PTPN21: variants seen among roughly 807,000 people sequenced by gnomAD.
The protein encoded by PTPN21 is protein tyrosine phosphatase non-receptor type 21.
A neutral mutation model predicts 131.8 loss-of-function variants in PTPN21; 77 were observed. The observed-to-expected ratio is 0.58, with a 90% CI of 0.49 to 0.71. PTPN21 has a LOEUF of 0.71. PTPN21 is among the 30% of genes least tolerant of loss of function. PTPN21 has a pLI of 0.00. For synonymous variants in PTPN21, 715 were observed against 621.3 expected (o/e 1.15, Z -2.24); for missense variants, 1,552 against 1,527.1 (o/e 1.02, Z -0.27).
chr14:88,504,479 T>G lies in PTPN21; in HGVS notation c.533A>C (p.Glu178Ala). ...TTGGGTTGCTTCTTCCAATACTTTTTCATCTTGTAACCATCCCTGAAGAAA... is the reference window on the plus strand; with the variant it reads ...TTGGGTTGCTTCTTCCAATACTTTTGCATCTTGTAACCATCCCTGAAGAAA... ...ALFPVGWLQD[E>A]KVLEEATQKV... Residue 178 changes from glutamate to alanine, a missense_variant, in exon 6 of 19, where the codon GAA (glutamate) becomes GCA (alanine). Transcript: ENST00000556564. The G allele has an allele frequency of 1.9e-6, 3 of 1,612,840 alleles. No homozygotes were observed. In the South Asian group the frequency reaches 3.3e-5, roughly 18 times the overall value.
At chr14:88,496,073 A>T (rs556271943) in intron 10 of PTPN21, among the ~76,000 whole-genome samples, 62 of 152,340 alleles carry the variant, frequency 4.1e-4, no homozygotes, top group African/African-American at 1.4e-3. Context: ...AAAAATGCAC[A>T]CCAGGAAGGA....
rs182092973 is a variant in PTPN21, at chr14:88,499,018, G to A, written c.765-1728C>T. 1.1e-3 allele frequency among the ~76,000 whole-genome samples: 172 copies of A among 152,256 alleles called. 3 individuals carry two copies. Among genetic ancestry groups the A allele is most frequent in the African/African-American group, 3.9e-3 (162 of 41,560 alleles). On this transcript the variant is annotated intron_variant, in intron 8 of 18. Transcript: ENST00000556564. ...AGGCAACTGTGAAAATTCCTATCCAGTGATAAAGGAAGCCAGGTAGAAGCC... is the reference window on the plus strand; with the variant it reads ...AGGCAACTGTGAAAATTCCTATCCAATGATAAAGGAAGCCAGGTAGAAGCC...
At chr14:88,518,288 GCACA>G (rs1175663651) in intron 2 of PTPN21, among the ~76,000 whole-genome samples, 2 of 49,722 alleles carry the variant, frequency 4.0e-5, no homozygotes, top group African/African-American at 1.4e-4. Context: ...ACACACATAC[GCACA>G]CACACACACA....
In PTPN21 at chr14:88,482,613, C is replaced by CAAAAGAAAAGAAAAG. The variant is rs147441767; in HGVS notation, c.1079-2276_1079-2262dup. ...GGACAACAAAAGCGAAACTCCATCTCAAAAGAAAAGAAAAGAAAAGAAAAG... is the reference window on the plus strand; with the variant it reads ...GGACAACAAAAGCGAAACTCCATCTCAAAAGAAAAGAAAAGAAAAGAAAAGAAAAGAAAAGAAAAG... On this transcript the variant is annotated intron_variant, in intron 12 of 18. Coordinates refer to ENST00000556564, the MANE Select transcript of PTPN21 (RefSeq NM_007039.4). Among the ~76,000 whole-genome samples, 268 of 150,982 alleles carry CAAAAGAAAAGAAAAG rather than the reference C, an allele frequency of 1.8e-3. 3 individuals carry two copies. The highest frequency in any genetic ancestry group is 6.2e-3 in the African/African-American group (253 of 40,854).
chr14:88,517,710 ATGTG>A (rs544718761), intron 2 of PTPN21, among the ~76,000 whole-genome samples: 59 of 145,012 alleles, frequency 4.1e-4, no homozygotes, highest in Non-Finnish European at 6.3e-4. Flanking sequence ...ATGTGTATAT[ATGTG>A]TGTATGTGTA....
At chr14:88,507,232 A>G (rs180723111) in intron 4 of PTPN21, among the ~76,000 whole-genome samples, 10 of 152,332 alleles carry the variant, frequency 6.6e-5, no homozygotes, top group African/African-American at 2.4e-4. Flanking sequence ...AATATGACCT[A>G]TTAGCAGACA....
At chr14:88,525,268 GT>G (rs2078457359) in intron 2 of PTPN21, among the ~76,000 whole-genome samples, 1 of 149,528 alleles carries the variant, frequency 6.7e-6, no homozygotes, top group Admixed American at 6.7e-5. Context: ...AATGAAGAAA[GT>G]AAAAAAAAAA....
In PTPN21 at chr14:88,505,389, C is replaced by T. The variant is rs187119091; in HGVS notation, c.449-18G>A. ...AAAATCCGCTATATAGAATGACAAA[C>T]ATTCACGTTAATTATATTTAAATTT... is the stretch of plus-strand genomic sequence containing the variant. On this transcript the variant is annotated intron_variant, in intron 4 of 18. Coordinates refer to ENST00000556564, the MANE Select transcript of PTPN21 (RefSeq NM_007039.4). The T allele has an allele frequency of 2.1e-4, 331 of 1,544,528 alleles. 4 individuals are homozygous for T. In the African/African-American group the frequency reaches 4.0e-3, roughly 19 times the overall value.
At chr14:88,531,362 G>C (rs2078552861) in intron 2 of PTPN21, among the ~76,000 whole-genome samples, 1 of 152,118 alleles carries the variant, frequency 6.6e-6, no homozygotes, top group South Asian at 2.1e-4. Flanking sequence ...TTCAAGACCA[G>C]CCTGGCCAAC....
At chr14:88,530,423 T>C (rs1483734936) in intron 2 of PTPN21, among the ~76,000 whole-genome samples, 1 of 152,178 alleles carries the variant, frequency 6.6e-6, no homozygotes, top group Non-Finnish European at 1.5e-5. Flanking sequence ...AATAGAGCAG[T>C]ACCTCACATT....
chr14:88,468,344 G>A, intron 18 of PTPN21, 79 bp from the exon 19 acceptor site: 1 of 1,375,632 alleles, frequency 7.3e-7, no homozygotes, highest in Non-Finnish European at 9.8e-7. Context: ...GAGTGTCCTG[G>A]CAGAAACCTG....
In PTPN21 at chr14:88,479,668, C is replaced by T; in HGVS notation, c.1763G>A (p.Ser588Asn). Residue 588 changes from serine (S) to asparagine (N), a missense_variant, in exon 13 of 19, where the codon AGC becomes AAC. Ser to Asn is a conservative substitution (Grantham distance 46). Coordinates refer to ENST00000556564, the MANE Select transcript of PTPN21 (RefSeq NM_007039.4). ...TPDLSRHLYI[S>N]SSNPDLITRR... The stretch of plus-strand genomic sequence containing the variant: ...CGTGATGAGGTCGGGGTTGCTGCTG[C>T]TGATGTAAAGGTGGCGGGACAGGTC... 1 of 1,298,412 alleles carries T rather than the reference C, an allele frequency of 7.7e-7. No individual in the cohort carries two copies. Among genetic ancestry groups the T allele is most frequent in the Non-Finnish European group, 1.0e-6 (1 of 1,003,462 alleles). 80.4% of individuals were successfully genotyped at this position (1,298,412 alleles called of 1,614,324 possible).
intron 3 of PTPN21, among the ~76,000 whole-genome samples, chr14:88,511,324 G>A: frequency 6.6e-6 from 1 of 151,984 alleles, no homozygotes; most frequent in Non-Finnish European, 1.5e-5. Context: ...AAACCTTTTT[G>A]CTAAAATTTC....
chr14:88,532,491 A>G (rs2078568624), intron 2 of PTPN21, among the ~76,000 whole-genome samples: 1 of 152,224 alleles, frequency 6.6e-6, no homozygotes, highest in African/African-American at 2.4e-5. Flanking sequence ...ACCTCACGTG[A>G]ACATAATTGA....
chr14:88,478,839 A>C, intron 13 of PTPN21, 81 bp downstream of exon 13: 1 of 947,800 alleles, frequency 1.1e-6, no homozygotes, highest in South Asian at 3.1e-5. Flanking sequence ...GGAGCTGAAA[A>C]ACACGGGACG....
rs747589910 is a variant in PTPN21, at chr14:88,469,448, T to C, written c.3235+51A>G. On this transcript the variant is annotated intron_variant, in intron 17 of 18. Coordinates refer to ENST00000556564, the MANE Select transcript of PTPN21 (RefSeq NM_007039.4). This position sits in a 1 kb window ranked among gnomAD's most constrained non-coding sequence, Gnocchi z 4.3. ...TCGGAAACATAAATGTTCCTCTCTG[T>C]TTAACACCTCCAGAGGCAGCTGTCC... 3 of 1,444,090 alleles carry C rather than the reference T, an allele frequency of 2.1e-6. No individual in the cohort carries two copies. The South Asian group carries it at 3.4e-5, about 17-fold the overall frequency. The allele number at this position is 1,444,090 out of a possible 1,614,324, so 89.5% of individuals were successfully genotyped here.
intron 10 of PTPN21, among the ~76,000 whole-genome samples, chr14:88,492,630 G>C (rs2077842348): frequency 6.6e-6 from 1 of 152,204 alleles, no homozygotes. Flanking sequence ...TTACACTGCT[G>C]CTCCTGCCCA....
At chr14:88,541,654 C>T (rs2078708225) in intron 2 of PTPN21, among the ~76,000 whole-genome samples, 1 of 152,116 alleles carries the variant, frequency 6.6e-6, no homozygotes, top group Non-Finnish European at 1.5e-5. Context: ...GGGCTTTTTC[C>T]TTAATAGTAA....
Position 88,479,433 on chromosome 14 carries a change from C to T in PTPN21, c.1998G>A (p.Pro666=), listed in dbSNP as rs778690670. 11 of 1,601,988 alleles carry T rather than the reference C, an allele frequency of 6.9e-6. No homozygotes were observed. The highest frequency in any genetic ancestry group is 1.3e-5 in the African/African-American group (1 of 74,886). Residue 666 remains proline (P), a synonymous_variant, in exon 13 of 19, where the codon CCG becomes CCA. Coordinates refer to ENST00000556564, the MANE Select transcript of PTPN21 (RefSeq NM_007039.4). ...TLSASAAEVA[P]RAVSVGSQPS... ...GCTGGGAGCCCACCGAGACGGCTCG[C>T]GGCGCCACCTCTGCCGCCGACGCGG... is the stretch of plus-strand genomic sequence containing the variant.
Sources: gnomAD v4.1 joint callset for allele counts (sites outside exome capture counted in the v4.1 genomes callset) on GRCh38, gnomAD v4.1.1 for gene constraint, Gnocchi (gnomAD v3.1) non-coding constraint, MANE v1.5 for transcripts, NCBI Gene and HGNC (gene_info 2026-07-23, HGNC 2026-07-21) for gene names.